Variants in CCDC171 observed in about 807,000 individuals in gnomAD.
CCDC171 encodes the protein coiled-coil domain containing 171.
CCDC171 carries 177 observed loss-of-function variants against 168.2 expected under a neutral mutation model. That is an observed-to-expected ratio of 1.05 (90% confidence interval 0.93 to 1.19). The LOEUF (loss-of-function observed/expected upper bound fraction) is 1.19, where lower values mean the gene tolerates loss of function less well. Ranked by LOEUF, CCDC171 falls within the 50% of genes most tolerant of loss-of-function variation. The pLI is 0.00. For missense variants in CCDC171, 1,991 were observed against 1,539.0 expected (o/e 1.29, Z -4.91); for synonymous variants, 687 against 540.8 (o/e 1.27, Z -3.75).
intron 4 of CCDC171, among the ~76,000 whole-genome samples, chr9:15,590,155 C>T (rs2041875355): frequency 6.6e-6 from 1 of 152,134 alleles, no homozygotes; most frequent in African/African-American, 2.4e-5. Flanking sequence ...TCCTGCAATG[C>T]TGGATGAGAG....
intron 25 of CCDC171, among the ~76,000 whole-genome samples, chr9:15,937,747 C>T (rs1326724276): frequency 6.6e-6 from 1 of 151,900 alleles, no homozygotes; most frequent in African/African-American, 2.4e-5. Flanking sequence ...TAAATGATTT[C>T]TTTAAAAGGA....
intron 23 of CCDC171, among the ~76,000 whole-genome samples, chr9:15,853,949 T>G (rs556124926): frequency 2.0e-5 from 3 of 151,530 alleles, no homozygotes; most frequent in Non-Finnish European, 4.4e-5. Context: ...GAGATAAATC[T>G]CACTTGGTTA....
At position 15,729,753 on chromosome 9, in the gene CCDC171, G is replaced by C. The variant is rs747609127; in HGVS notation, c.2004G>C (p.Glu668Asp). The change falls in exon 16 of 26, where the codon GAG becomes GAC. Residue 668 changes from glutamate to aspartate, a missense_variant. Physicochemically the swap from Glu to Asp is conservative, Grantham distance 45. Coordinates refer to ENST00000380701, the MANE Select transcript of CCDC171 (RefSeq NM_173550.4). Reference sequence around the variant, plus strand: ...GGCACAGACAAAAGAAGGAACTAGAGCTGCAGTATTCTGAACTCTTCCTGG... The same window carrying C: ...GGCACAGACAAAAGAAGGAACTAGACCTGCAGTATTCTGAACTCTTCCTGG... The part of the protein sequence containing the change: ...SCWHRQKKEL[E>D]LQYSELFLEV... The C allele has an allele frequency of 1.3e-5, 21 of 1,613,090 alleles. No homozygotes were observed. The highest frequency in any genetic ancestry group is 1.8e-5 in the Non-Finnish European group (21 of 1,179,368).
rs557792118 is a variant in CCDC171 at position 15,702,886 on chromosome 9, G to T, written c.1318+7549G>T. 8.8e-4 allele frequency among the ~76,000 whole-genome samples: 130 copies of T among 148,180 alleles called. 1 individual carries two copies. Among genetic ancestry groups the T allele is most frequent in the African/African-American group, 2.5e-3 (100 of 40,542 alleles). On this transcript the variant is annotated intron_variant, in intron 11 of 25. Transcript: ENST00000380701. Reference sequence around the variant, plus strand: ...CTCTCTCAGCCTTCATCAAATTAAAGAGAGTTAGGGCCTTGGTTTTTTTTT... The same window carrying T: ...CTCTCTCAGCCTTCATCAAATTAAATAGAGTTAGGGCCTTGGTTTTTTTTT...
At chr9:16,097,171 C>T in the CCDC171 span, among the ~76,000 whole-genome samples, 1 of 152,154 alleles carries the variant, frequency 6.6e-6, no homozygotes, top group Admixed American at 6.5e-5. Flanking sequence ...CTCCCCAGCC[C>T]TGGAACCCCA....
intron 23 of CCDC171, among the ~76,000 whole-genome samples, chr9:15,856,012 T>A (rs2061336697): frequency 6.6e-6 from 1 of 151,954 alleles, no homozygotes; most frequent in South Asian, 2.1e-4. Flanking sequence ...TTGCTGGTGT[T>A]CCTTATTTTT....
intron 4 of CCDC171, among the ~76,000 whole-genome samples, chr9:15,579,943 T>A (rs1302518924): frequency 6.6e-6 from 1 of 152,162 alleles, no homozygotes; most frequent in Non-Finnish European, 1.5e-5. Flanking sequence ...ACAGCAGGTT[T>A]TAATTAAGAG....
rs866769736 is a variant in CCDC171, at chr9:15,708,997, G to T, written c.1319-12772G>T. Reference sequence around the variant, plus strand: ...TTTAAAAATTAAGGAAAACTAAATAGAATTTGTGAAAAACTAAGCACCACA... The same window carrying T: ...TTTAAAAATTAAGGAAAACTAAATATAATTTGTGAAAAACTAAGCACCACA... On this transcript the variant is annotated intron_variant, in intron 11 of 25. Transcript: ENST00000380701. 2.6e-5 allele frequency among the ~76,000 whole-genome samples: 4 copies of T among 151,852 alleles called. No homozygotes were observed. In the South Asian group the frequency reaches 6.2e-4, roughly 24 times the overall value.
intron 23 of CCDC171, among the ~76,000 whole-genome samples, chr9:15,852,173 T>G (rs906646856): frequency 2.6e-5 from 4 of 151,792 alleles, no homozygotes; most frequent in African/African-American, 9.7e-5. Flanking sequence ...TTTCCACAGT[T>G]GCTGCACCAT....
intron 8 of CCDC171, among the ~76,000 whole-genome samples, chr9:15,663,668 C>T (rs373954635): frequency 2.6e-4 from 39 of 148,704 alleles, no homozygotes; most frequent in African/African-American, 8.9e-4. Flanking sequence ...TGCAGTGGCG[C>T]GATCTTGGCT....
At chr9:15,796,629 C>A (rs1261335516) in intron 21 of CCDC171, among the ~76,000 whole-genome samples, 3 of 152,208 alleles carry the variant, frequency 2.0e-5, no homozygotes, top group Non-Finnish European at 4.4e-5. Context: ...AGTCTGAGCT[C>A]CCTGCTCAAC....
intron 21 of CCDC171, among the ~76,000 whole-genome samples, chr9:15,796,436 G>C (rs1161748137): frequency 3.3e-5 from 5 of 152,106 alleles, no homozygotes; most frequent in Non-Finnish European, 7.3e-5. Context: ...ACAAAAGTAA[G>C]TCTTTAAAGT....
the CCDC171 span, among the ~76,000 whole-genome samples, chr9:16,068,248 A>T: frequency 4.0e-5 from 6 of 151,430 alleles, no homozygotes; most frequent in South Asian, 1.3e-3. Context: ...TCCAACTTAT[A>T]AGGGATGTGA....
At chr9:15,599,754 G>A (rs904062440) in intron 6 of CCDC171, among the ~76,000 whole-genome samples, 2 of 152,116 alleles carry the variant, frequency 1.3e-5, no homozygotes, top group Non-Finnish European at 2.9e-5. Context: ...TCTCCACTTG[G>A]TTCCATTCTG....
At chr9:15,661,732 G>T (rs745577587) in intron 8 of CCDC171, among the ~76,000 whole-genome samples, 1 of 152,116 alleles carries the variant, frequency 6.6e-6, no homozygotes, top group Non-Finnish European at 1.5e-5. Flanking sequence ...TAAAAGAGTT[G>T]ACTCAAATTT....
chr9:15,926,937 A>G (rs1258437878), intron 25 of CCDC171, among the ~76,000 whole-genome samples: 2 of 151,610 alleles, frequency 1.3e-5, no homozygotes, highest in Admixed American at 6.6e-5. Context: ...CTGTATTACC[A>G]TTACTTGTTG....
At chr9:15,792,233 A>G (rs189696356) in intron 21 of CCDC171, among the ~76,000 whole-genome samples, 150 of 152,368 alleles carry the variant, frequency 9.8e-4, no homozygotes, top group African/African-American at 3.5e-3. Flanking sequence ...GTGATTGAAG[A>G]TCAAATGAAT....
intron 23 of CCDC171, among the ~76,000 whole-genome samples, chr9:15,855,635 G>C (rs748751472): frequency 2.6e-4 from 39 of 151,634 alleles, no homozygotes; most frequent in Non-Finnish European, 5.3e-4. Context: ...ATTCCTTCTT[G>C]TCTGCATTAG....
At chr9:15,769,499 A>G (rs1051085528) in intron 18 of CCDC171, among the ~76,000 whole-genome samples, 2 of 152,232 alleles carry the variant, frequency 1.3e-5, no homozygotes, top group Non-Finnish European at 2.9e-5. Context: ...CAGTTCCTTC[A>G]ATTATGAATG....
Sources: gnomAD v4.1 joint callset for allele counts (sites outside exome capture counted in the v4.1 genomes callset) on GRCh38, gnomAD v4.1.1 for gene constraint, MANE v1.5 for transcripts, NCBI Gene and HGNC (gene_info 2026-07-23, HGNC 2026-07-21) for gene names.